Variants in FYCO1 observed in about 807,000 individuals in gnomAD.
FYCO1 encodes the protein FYVE and coiled-coil domain-containing protein 1.
Under a neutral mutation model 165.1 loss-of-function variants are expected in FYCO1, and 122 were observed. The ratio of observed to expected loss-of-function variants is 0.74; its 90% CI spans 0.64 to 0.86. FYCO1 has a LOEUF of 0.86. Among genes scored for constraint, FYCO1 ranks in the 40% least tolerant of loss-of-function variants. The pLI is 0.00. For synonymous variants in FYCO1, 648 were observed against 742.5 expected (o/e 0.87, Z 2.07); for missense variants, 1,702 against 1,810.3 (o/e 0.94, Z 1.09).
At chr3:45,955,977 G>C (rs974033021) in intron 13 of FYCO1, among the ~76,000 whole-genome samples, 2 of 152,184 alleles carry the variant, frequency 1.3e-5, no homozygotes, top group Non-Finnish European at 2.9e-5. Flanking sequence ...TCCTGTACCA[G>C]TCATCTGCCC....
At chr3:45,938,907 A>G (rs2125809141) in intron 14 of FYCO1, among the ~76,000 whole-genome samples, 1 of 152,354 alleles carries the variant, frequency 6.6e-6, no homozygotes. Flanking sequence ...GAGGATGTCA[A>G]GGGATGTAAG....
chr3:45,962,324 ACCT>A lies in FYCO1; in HGVS notation c.3335_3337del (p.Glu1112del), dbSNP rs772088371. 5 of 1,613,964 alleles carry A rather than the reference ACCT, an allele frequency of 3.1e-6. No homozygotes were observed. In the South Asian group the frequency reaches 5.5e-5, roughly 18 times the overall value. On this transcript the variant is annotated inframe_deletion, in exon 11 of 18. Transcript: ENST00000296137. The surrounding 1 kb of genome is among the most constrained non-coding windows in gnomAD (Gnocchi z 4.4). ...CTGGTCATTCCTCTCACGATTTGTCACCTCCTGGCAGAGTTTGTTGTAATACTC... is the reference window on the plus strand; with the variant it reads ...CTGGTCATTCCTCTCACGATTTGTCACCTGGCAGAGTTTGTTGTAATACTC...
chr3:45,988,620 T>A (rs1186384093), intron 1 of FYCO1, among the ~76,000 whole-genome samples: 1 of 152,216 alleles, frequency 6.6e-6, no homozygotes, highest in African/African-American at 2.4e-5. Flanking sequence ...AAACCTTCGT[T>A]GCTGTCTCTG....
Position 45,979,776 on chromosome 3 carries a change from A to G in FYCO1, c.217T>C (p.Tyr73His), listed in dbSNP as rs762153899. Residue 73 changes from tyrosine (Y) to histidine (H), a missense_variant, in exon 4 of 18, where the codon TAC becomes CAC. Coordinates refer to ENST00000296137, the MANE Select transcript of FYCO1 (RefSeq NM_024513.4). Reference sequence around the variant, plus strand: ...ACCTTGGCCAGGCAGGCACAGAAGTAATCCCAGTAGTCCTTCTTGTTGCCC... The same window carrying G: ...ACCTTGGCCAGGCAGGCACAGAAGTGATCCCAGTAGTCCTTCTTGTTGCCC... Reference protein sequence around the residue: ...LLGNKKDYWDYFCACLAKVKG... With the variant: ...LLGNKKDYWDHFCACLAKVKG... 15 of 1,614,124 alleles carry G rather than the reference A, an allele frequency of 9.3e-6. No individual in the cohort carries two copies. Among genetic ancestry groups the G allele is most frequent in the African/African-American group, 1.3e-5 (1 of 75,064 alleles).
At chr3:45,943,168 A>C (rs946950690) in intron 14 of FYCO1, among the ~76,000 whole-genome samples, 1 of 152,174 alleles carries the variant, frequency 6.6e-6, no homozygotes, top group Non-Finnish European at 1.5e-5. Context: ...CTGACTAGTG[A>C]ATTAAGTAAT....
chr3:45,973,790 G>A (rs1041289877), intron 5 of FYCO1, among the ~76,000 whole-genome samples: 6 of 152,180 alleles, frequency 3.9e-5, no homozygotes, highest in African/African-American at 1.2e-4. Context: ...GAACACAGTC[G>A]CTCATGCCTG....
At chr3:45,956,527 C>G (rs1017681598) in intron 13 of FYCO1, among the ~76,000 whole-genome samples, 1 of 152,040 alleles carries the variant, frequency 6.6e-6, no homozygotes, top group East Asian at 1.9e-4. Context: ...CCTGGACCTG[C>G]CACATGACCA....
intron 8 of FYCO1, among the ~76,000 whole-genome samples, chr3:45,965,881 A>G (rs956984003): frequency 2.0e-5 from 3 of 152,196 alleles, no homozygotes; most frequent in Non-Finnish European, 4.4e-5. Flanking sequence ...GTGGGCAGAC[A>G]CCCTCAGGTT....
chr3:45,977,031 G>A (rs537891304), intron 4 of FYCO1, among the ~76,000 whole-genome samples: 1 of 152,230 alleles, frequency 6.6e-6, no homozygotes, highest in South Asian at 2.1e-4. Flanking sequence ...AATCTTGATG[G>A]TATATCCTGT....
intron 14 of FYCO1, chr3:45,946,058 C>T: frequency 5.9e-6 from 1 of 168,108 alleles, no homozygotes; most frequent in South Asian, 1.5e-4. Flanking sequence ...TGAAAACAGG[C>T]ATGTTCCATT....
At chr3:45,948,600 G>C (rs1265357618) in intron 14 of FYCO1, among the ~76,000 whole-genome samples, 1 of 152,208 alleles carries the variant, frequency 6.6e-6, no homozygotes, top group African/African-American at 2.4e-5. Context: ...AGTTTTAAAT[G>C]TCAGATTTTA....
chr3:45,963,123 T>C (rs963528628), intron 10 of FYCO1, among the ~76,000 whole-genome samples: 4 of 151,924 alleles, frequency 2.6e-5, no homozygotes, highest in African/African-American at 9.7e-5. Flanking sequence ...ACTTTACACC[T>C]TCCACATCTA....
chr3:45,970,597 G>C (rs1306706059), intron 6 of FYCO1, among the ~76,000 whole-genome samples: 3 of 152,060 alleles, frequency 2.0e-5, no homozygotes, highest in African/African-American at 7.2e-5. Flanking sequence ...TTTGAAAAGG[G>C]CCAGATAGTA....
chr3:45,988,879 A>C (rs1224331001), intron 1 of FYCO1, among the ~76,000 whole-genome samples: 1 of 152,168 alleles, frequency 6.6e-6, no homozygotes, highest in African/African-American at 2.4e-5. Flanking sequence ...TCTGACCTCC[A>C]AGTTTTTTCT....
chr3:45,931,639 T>C (rs1703634813), intron 15 of FYCO1, among the ~76,000 whole-genome samples: 1 of 152,232 alleles, frequency 6.6e-6, no homozygotes, highest in Admixed American at 6.5e-5. Flanking sequence ...GGCACAGCTT[T>C]TTGCTGCTCT....
chr3:45,944,872 AAT>A (rs1575344207), intron 14 of FYCO1: 1 of 152,206 alleles, frequency 6.6e-6, no homozygotes, highest in African/African-American at 2.4e-5. Context: ...ATGATGAAAA[AAT>A]ATGTTTTTGC....
intron 16 of FYCO1, among the ~76,000 whole-genome samples, chr3:45,927,405 T>C (rs976007726): frequency 2.6e-5 from 4 of 152,138 alleles, no homozygotes; most frequent in Non-Finnish European, 4.4e-5. Flanking sequence ...GAAAACTAAA[T>C]AACAAATTCA....
intron 11 of FYCO1, among the ~76,000 whole-genome samples, chr3:45,961,475 G>A (rs1327555590): frequency 6.6e-6 from 1 of 151,962 alleles, no homozygotes; most frequent in African/African-American, 2.4e-5. Context: ...CTACTTGGGT[G>A]GCTGAGGCAC....
chr3:45,959,119 C>T (rs772065225), intron 12 of FYCO1, among the ~76,000 whole-genome samples: 13 of 152,238 alleles, frequency 8.5e-5, no homozygotes, highest in Non-Finnish European at 1.2e-4. Context: ...GGTAGAAGAA[C>T]TGCTAGTCTC....
Sources: gnomAD v4.1 joint callset for allele counts (sites outside exome capture counted in the v4.1 genomes callset) on GRCh38, gnomAD v4.1.1 for gene constraint, Gnocchi (gnomAD v3.1) non-coding constraint, MANE v1.5 for transcripts, NCBI Gene and HGNC (gene_info 2026-07-23, HGNC 2026-07-21) for gene names.